NEDD4L: variants seen among roughly 807,000 people sequenced by gnomAD.
NEDD4L encodes the protein E3 ubiquitin-protein ligase NEDD4-like.
A neutral mutation model predicts 148.9 loss-of-function variants in NEDD4L; 54 were observed. The observed-to-expected ratio is 0.36, with a 90% CI of 0.29 to 0.45. NEDD4L has a LOEUF of 0.45. NEDD4L is among the 20% of genes least tolerant of loss of function. The pLI is 1.00. For missense variants in NEDD4L, 856 were observed against 1,233.8 expected (o/e 0.69, Z 4.59); for synonymous variants, 433 against 440.7 (o/e 0.98, Z 0.22).
At chr18:58,263,660 C>CTTTTTTT (rs71173041) in intron 5 of NEDD4L, among the ~76,000 whole-genome samples, 9 of 103,702 alleles carry the variant, frequency 8.7e-5, no homozygotes, top group African/African-American at 1.8e-4. Context: ...ACTTCTTAGG[C>CTTTTTTT]TTTTTTTTTT....
chr18:58,174,680 C>A (rs1039050113), intron 2 of NEDD4L, among the ~76,000 whole-genome samples: 21 of 152,192 alleles, frequency 1.4e-4, no homozygotes, highest in Middle Eastern at 3.4e-3. Context: ...AGGCTACGTG[C>A]GACTGGAGGG....
intron 12 of NEDD4L, 174 bp downstream of exon 12, chr18:58,334,066 G>T: frequency 2.1e-6 from 1 of 484,856 alleles, no homozygotes; most frequent in Non-Finnish European, 3.7e-6. Flanking sequence ...ACAGAGAATT[G>T]TTACTGCCAC....
At chr18:58,116,988 C>T (rs2085887544) in intron 1 of NEDD4L, among the ~76,000 whole-genome samples, 2 of 152,236 alleles carry the variant, frequency 1.3e-5, no homozygotes, top group African/African-American at 2.4e-5. Context: ...ATATGCTGGA[C>T]AGAGCTTCTT....
chr18:58,175,217 C>G (rs377216709), intron 2 of NEDD4L, among the ~76,000 whole-genome samples: 14 of 152,378 alleles, frequency 9.2e-5, no homozygotes, highest in African/African-American at 3.4e-4. Flanking sequence ...TCTAGCCACA[C>G]TGGGCCTGCA....
chr18:58,241,163 T>C (rs2046589272), intron 2 of NEDD4L, among the ~76,000 whole-genome samples: 1 of 152,222 alleles, frequency 6.6e-6, no homozygotes, highest in African/African-American at 2.4e-5. Flanking sequence ...ACTATTATAA[T>C]TTGTCTTCTA....
intron 2 of NEDD4L, among the ~76,000 whole-genome samples, chr18:58,183,580 G>A (rs2039090001): frequency 6.6e-6 from 1 of 152,160 alleles, no homozygotes; most frequent in Non-Finnish European, 1.5e-5. Flanking sequence ...CCCCTCCTTG[G>A]AGATAGCTTT....
At chr18:58,332,473 C>T (rs879654950) in intron 11 of NEDD4L, among the ~76,000 whole-genome samples, 1 of 152,122 alleles carries the variant, frequency 6.6e-6, no homozygotes, top group African/African-American at 2.4e-5. Flanking sequence ...CATGGTGAAA[C>T]CCCGTCTCTA....
rs1036887766 is a variant in NEDD4L, at chr18:58,330,636, A to G, written c.814-102A>G. The G allele has an allele frequency of 9.1e-6, 8 of 874,570 alleles. No homozygotes were observed. The African/African-American group carries it at 1.0e-4, about 11-fold the overall frequency. 54.2% of individuals were successfully genotyped at this position (874,570 alleles called of 1,614,324 possible). The stretch of plus-strand genomic sequence containing the variant: ...GAGAGGCACTTAGTAGGTGTTAATT[A>G]TAGTTATCACCGGGGCTATTGTTGT... On this transcript the variant is annotated intron_variant, in intron 10 of 30. Transcript: ENST00000400345.
intron 2 of NEDD4L, among the ~76,000 whole-genome samples, chr18:58,241,348 A>T (rs2046610254): frequency 3.3e-5 from 5 of 152,168 alleles, no homozygotes. Context: ...CTCCCTCTCC[A>T]TCTGTCTTTT....
intron 2 of NEDD4L, among the ~76,000 whole-genome samples, chr18:58,224,362 A>G (rs1303154123): frequency 1.3e-5 from 2 of 152,160 alleles, no homozygotes; most frequent in African/African-American, 2.4e-5. Context: ...GACTCCTTTT[A>G]GCTCAATTAA....
At chr18:58,280,504 T>C (rs2052883302) in intron 5 of NEDD4L, among the ~76,000 whole-genome samples, 1 of 152,120 alleles carries the variant, frequency 6.6e-6, no homozygotes, top group South Asian at 2.1e-4. Flanking sequence ...AGACCAGATG[T>C]GGCAGGGATT....
chr18:58,329,133 A>T lies in NEDD4L; in HGVS notation c.813+6A>T, dbSNP rs1305717878. On this transcript the variant is annotated splice_donor_region_variant and intron_variant, in intron 10 of 30. Coordinates refer to ENST00000400345, the MANE Select transcript of NEDD4L (RefSeq NM_001144967.3). ...AGGGCGGGGATGTCCCCGAGGTACG[A>T]TGTCCCCAGAATGGTGCAAAGCCCG... The T allele has an allele frequency of 8.1e-6, 13 of 1,613,540 alleles. No homozygotes were observed. The highest frequency in any genetic ancestry group is 1.1e-5 in the Non-Finnish European group (13 of 1,179,760).
At chr18:58,111,447 T>C (rs1599350304) in intron 1 of NEDD4L, among the ~76,000 whole-genome samples, 1 of 152,202 alleles carries the variant, frequency 6.6e-6, no homozygotes, top group South Asian at 2.1e-4. Context: ...CACATCCCTC[T>C]CCCCATCCCT....
intron 3 of NEDD4L, among the ~76,000 whole-genome samples, chr18:58,247,830 C>T (rs2047455830): frequency 2.6e-5 from 4 of 152,230 alleles, no homozygotes; most frequent in Admixed American, 2.6e-4. Flanking sequence ...CCCCTCCCCT[C>T]GTTCATTACC....
intron 2 of NEDD4L, among the ~76,000 whole-genome samples, chr18:58,211,489 G>A (rs1356938034): frequency 6.6e-6 from 1 of 152,214 alleles, no homozygotes; most frequent in Non-Finnish European, 1.5e-5. Flanking sequence ...TCTTAGTGAA[G>A]AATGTGAAAT....
chr18:58,081,233 T>TTTTG, intron 1 of NEDD4L, among the ~76,000 whole-genome samples: 1 of 148,052 alleles, frequency 6.8e-6, no homozygotes, highest in African/African-American at 2.5e-5. Context: ...TTTTTTTTTT[T>TTTTG]GAGATGGAGT....
chr18:58,193,911 C>T (rs922147870), intron 2 of NEDD4L: 2 of 152,234 alleles, frequency 1.3e-5, no homozygotes, highest in Non-Finnish European at 2.9e-5. Flanking sequence ...AGATGCCTGC[C>T]CCATGGTTTT....
At chr18:58,370,196 A>T (rs1459484180) in intron 22 of NEDD4L, among the ~76,000 whole-genome samples, 1 of 151,912 alleles carries the variant, frequency 6.6e-6, no homozygotes, top group Non-Finnish European at 1.5e-5. Context: ...CTGCTGCGCC[A>T]TCTCTCTTAG....
chr18:58,082,098 A>ATT (rs1182927314), intron 1 of NEDD4L, among the ~76,000 whole-genome samples: 50 of 73,228 alleles, frequency 6.8e-4, no homozygotes, highest in African/African-American at 2.7e-3. Flanking sequence ...ATATATATAT[A>ATT]TATATTTTTT....
Sources: gnomAD v4.1 joint callset for allele counts (sites outside exome capture counted in the v4.1 genomes callset) on GRCh38, gnomAD v4.1.1 for gene constraint, MANE v1.5 for transcripts, NCBI Gene and HGNC (gene_info 2026-07-23, HGNC 2026-07-21) for gene names.